The following ITGB5 variants were observed in gnomAD, a reference collection of about 807,000 sequenced individuals.
ITGB5 encodes integrin beta-5.
Under a neutral mutation model 84.8 loss-of-function variants are expected in ITGB5, and 38 were observed. That is an observed-to-expected ratio of 0.45 (90% CI 0.35 to 0.59). The LOEUF is 0.59. ITGB5 is among the 20% of genes least tolerant of loss of function. The probability of loss-of-function intolerance (pLI) is 0.01; values close to 1 mark genes in which losing one functional copy is unlikely to be tolerated. For missense variants in ITGB5, 905 were observed against 1,034.5 expected (o/e 0.87, Z 1.72); for synonymous variants, 393 against 414.4 (o/e 0.95, Z 0.63).
At chr3:124,838,368 C>T (rs1359494145) in intron 5 of ITGB5, among the ~76,000 whole-genome samples, 1 of 152,196 alleles carries the variant, frequency 6.6e-6, no homozygotes, top group Non-Finnish European at 1.5e-5. Context: ...ATCTTTTCCA[C>T]ATTTTTTCTT....
chr3:124,859,573 A>C, intron 2 of ITGB5, 127 bp from the exon 3 acceptor site: 1 of 676,094 alleles, frequency 1.5e-6, no homozygotes, highest in Non-Finnish European at 2.5e-6. Flanking sequence ...ATTGTCTGAA[A>C]ATGGAGGAAA....
intron 5 of ITGB5, among the ~76,000 whole-genome samples, chr3:124,821,687 C>T (rs2064706289): frequency 6.6e-6 from 1 of 152,242 alleles, no homozygotes; most frequent in Admixed American, 6.5e-5. Context: ...CAGATGCACA[C>T]AGACAAATGT....
chr3:124,790,643 G>T (rs1017589037), intron 10 of ITGB5, among the ~76,000 whole-genome samples: 5 of 152,144 alleles, frequency 3.3e-5, no homozygotes, highest in African/African-American at 1.2e-4. Flanking sequence ...CCCAGACCCA[G>T]AACCCATGCT....
rs775070326 is a variant in ITGB5, at chr3:124,859,339, G to T, written c.264C>A (p.Val88=). The change falls in exon 3 of 15, where the codon GTC becomes GTA. Residue 88 remains valine, a synonymous_variant. Coordinates refer to ENST00000296181, the MANE Select transcript of ITGB5 (RefSeq NM_002213.5). ...EIESPASSFH[V]LRSLPLSSKG... ...TGCTGCTGAGGGGCAGGCTCCTCAG[G>T]ACATGGAAGCTGCTGGCTGGGCTCT... The T allele has an allele frequency of 6.2e-7, 1 of 1,614,144 alleles. No homozygotes were observed. Among genetic ancestry groups the T allele is most frequent in the Non-Finnish European group, 8.5e-7 (1 of 1,180,028 alleles).
intron 10 of ITGB5, among the ~76,000 whole-genome samples, chr3:124,788,063 A>G (rs979214091): frequency 2.0e-5 from 3 of 152,040 alleles, no homozygotes; most frequent in Non-Finnish European, 2.9e-5. Flanking sequence ...ACACGCCACC[A>G]TGCCTGGATA....
chr3:124,843,910 T>C (rs1222314976), intron 4 of ITGB5, among the ~76,000 whole-genome samples: 3 of 151,976 alleles, frequency 2.0e-5, no homozygotes, highest in Admixed American at 6.5e-5. Flanking sequence ...TCTGTATGTA[T>C]AAAAAGTGAA....
chr3:124,863,006 T>C (rs866272758), intron 2 of ITGB5: 1 of 152,218 alleles, frequency 6.6e-6, no homozygotes, highest in Non-Finnish European at 1.5e-5. Flanking sequence ...TCCAGCTTTA[T>C]AGACAGCAAA....
intron 2 of ITGB5, among the ~76,000 whole-genome samples, chr3:124,861,382 G>A (rs1313731592): frequency 3.3e-5 from 5 of 150,252 alleles, no homozygotes; most frequent in East Asian, 2.0e-4. Context: ...CGGGAGGATC[G>A]CTCGAGCCCA....
At chr3:124,786,093 A>G (rs560875798) in intron 10 of ITGB5, among the ~76,000 whole-genome samples, 3 of 152,200 alleles carry the variant, frequency 2.0e-5, no homozygotes, top group Non-Finnish European at 4.4e-5. Context: ...TGCACTGTAG[A>G]CACACCGTGT....
At chr3:124,897,353 C>T (rs962513296) in intron 1 of ITGB5, among the ~76,000 whole-genome samples, 2 of 152,142 alleles carry the variant, frequency 1.3e-5, no homozygotes, top group Admixed American at 6.5e-5. Context: ...ATTAATCCTC[C>T]CTGCTTGCCC....
chr3:124,768,988 G>A lies in ITGB5; in HGVS notation c.2017+25C>T, dbSNP rs759631107. On this transcript the variant is annotated intron_variant, in intron 12 of 14. Transcript: ENST00000296181. ...CCCAGGAAGGAGAAAAACCGTGACT[G>A]CCCGGGTGGTGGCAGCACACTCACC... The A allele has an allele frequency of 1.9e-6, 3 of 1,577,518 alleles. No individual in the cohort carries two copies. In the Admixed American group the frequency reaches 5.0e-5, roughly 26 times the overall value.
intron 9 of ITGB5, among the ~76,000 whole-genome samples, chr3:124,804,194 A>G (rs2064358939): frequency 6.6e-6 from 1 of 152,184 alleles, no homozygotes; most frequent in African/African-American, 2.4e-5. Flanking sequence ...CTTCTAAACA[A>G]TTCATCATGA....
At chr3:124,803,633 T>A (rs1244492425) in intron 9 of ITGB5, among the ~76,000 whole-genome samples, 1 of 152,202 alleles carries the variant, frequency 6.6e-6, no homozygotes, top group Non-Finnish European at 1.5e-5. Flanking sequence ...CTGGGGCAAG[T>A]CACGCTCATC....
chr3:124,853,653 A>G (rs974203330), intron 3 of ITGB5, among the ~76,000 whole-genome samples: 1 of 151,766 alleles, frequency 6.6e-6, no homozygotes, highest in Non-Finnish European at 1.5e-5. Context: ...TCCAAGTAGA[A>G]CCTGGAAGGA....
At chr3:124,778,971 G>A (rs1381401996) in intron 10 of ITGB5, among the ~76,000 whole-genome samples, 1 of 152,168 alleles carries the variant, frequency 6.6e-6, no homozygotes, top group Non-Finnish European at 1.5e-5. Context: ...GGGTCACCTT[G>A]GGCAGGTCCC....
intron 3 of ITGB5, among the ~76,000 whole-genome samples, chr3:124,848,982 G>C (rs1276763461): frequency 6.6e-6 from 1 of 152,152 alleles, no homozygotes; most frequent in East Asian, 1.9e-4. Context: ...GTTTCACTAT[G>C]TTGACCAGGC....
intron 7 of ITGB5, among the ~76,000 whole-genome samples, chr3:124,818,534 G>A (rs1436873815): frequency 2.5e-5 from 2 of 81,430 alleles, no homozygotes; most frequent in African/African-American, 9.7e-5. Flanking sequence ...TTTTTTTTGC[G>A]ACAGAATCTC....
At chr3:124,851,429 C>T (rs760933044) in intron 3 of ITGB5, among the ~76,000 whole-genome samples, 13 of 152,102 alleles carry the variant, frequency 8.5e-5, no homozygotes, top group Non-Finnish European at 1.3e-4. Flanking sequence ...ATCCTGCCAG[C>T]AACTTGAATT....
At chr3:124,871,159 G>A (rs1368415709) in intron 2 of ITGB5, among the ~76,000 whole-genome samples, 2 of 151,936 alleles carry the variant, frequency 1.3e-5, no homozygotes, top group Admixed American at 6.6e-5. Flanking sequence ...CCAAAGTGCT[G>A]GGATTACAGG....
Sources: gnomAD v4.1 joint callset for allele counts (sites outside exome capture counted in the v4.1 genomes callset) on GRCh38, gnomAD v4.1.1 for gene constraint, MANE v1.5 for transcripts, NCBI Gene and HGNC (gene_info 2026-07-23, HGNC 2026-07-21) for gene names.